The following DUSP19 variants were observed in gnomAD, a reference collection of about 807,000 sequenced individuals.
DUSP19 encodes the protein dual specificity phosphatase 19, also known as dual specificity protein phosphatase 19.
A neutral mutation model predicts 16.6 loss-of-function variants in DUSP19; 14 were observed. The ratio of observed to expected loss-of-function variants is 0.84; its 90% CI spans 0.56 to 1.32. The LOEUF (loss-of-function observed/expected upper bound fraction) is 1.32, where lower values mean the gene tolerates loss of function less well. Among genes scored for constraint, DUSP19 ranks in the 40% most tolerant of loss-of-function variants. The pLI is 0.00. For synonymous variants in DUSP19, 81 were observed against 90.5 expected (o/e 0.90, Z 0.59); for missense variants, 258 against 255.9 (o/e 1.01, Z -0.06).
Position 183,098,795 on chromosome 2 carries a change from A to G in DUSP19, c.*3137A>G, listed in dbSNP as rs1243758410. On this transcript the variant is annotated 3_prime_UTR_variant, in exon 4 of 4. Coordinates refer to ENST00000354221, the MANE Select transcript of DUSP19 (RefSeq NM_080876.4). ...TTAATAATTTTTAAATTTTTTTCTA[A>G]TTTTATGCCTTAAAATAGGTTTCTG... 2.0e-5 allele frequency: 3 copies of G among 152,148 alleles called. No homozygotes were observed. Among genetic ancestry groups the G allele is most frequent in the Non-Finnish European group, 4.4e-5 (3 of 67,994 alleles). The allele number at this position is 152,148 out of a possible 1,614,324, so 9.4% of individuals were successfully genotyped here.
At chr2:183,087,853 T>C (rs1427448122) in intron 3 of DUSP19, among the ~76,000 whole-genome samples, 4 of 152,192 alleles carry the variant, frequency 2.6e-5, no homozygotes, top group Non-Finnish European at 4.4e-5. Flanking sequence ...AACTCTGGCC[T>C]ACCTTCTCTC....
Position 183,099,330 on chromosome 2 carries a change from T to G in DUSP19, c.*3672T>G, listed in dbSNP as rs1466600601. 6.6e-6 allele frequency: 1 copy of G among 152,220 alleles called. No individual in the cohort carries two copies. Among genetic ancestry groups the G allele is most frequent in the Non-Finnish European group, 1.5e-5 (1 of 68,028 alleles). The allele number at this position is 152,220 out of a possible 1,614,324, so 9.4% of individuals were successfully genotyped here. On this transcript the variant is annotated 3_prime_UTR_variant, in exon 4 of 4. Coordinates refer to ENST00000354221, the MANE Select transcript of DUSP19 (RefSeq NM_080876.4). Reference sequence around the variant, plus strand: ...TGATTACTTATTTATTTGTTCCAGGTGACTCTAAATAGTTGATTTTTCTGC... The same window carrying G: ...TGATTACTTATTTATTTGTTCCAGGGGACTCTAAATAGTTGATTTTTCTGC...
chr2:183,085,858 T>TTG (rs1699654025), intron 2 of DUSP19, among the ~76,000 whole-genome samples: 2 of 107,450 alleles, frequency 1.9e-5, no homozygotes, highest in African/African-American at 3.7e-5. Flanking sequence ...TTTTTTTTTT[T>TTG]TTTTTTTTTT....
At chr2:183,086,819 T>C (rs1322419703) in intron 2 of DUSP19, among the ~76,000 whole-genome samples, 1 of 149,806 alleles carries the variant, frequency 6.7e-6, no homozygotes, top group East Asian at 2.3e-4. Flanking sequence ...AGAGACCCTG[T>C]CTCTGCATGA....
At chr2:183,088,848 T>G (rs1026841270) in intron 3 of DUSP19, among the ~76,000 whole-genome samples, 1 of 152,218 alleles carries the variant, frequency 6.6e-6, no homozygotes, top group African/African-American at 2.4e-5. Flanking sequence ...AAAAGGATGT[T>G]TCTGTATTGG....
At chr2:183,079,384 A>G (rs963340110) in intron 1 of DUSP19, among the ~76,000 whole-genome samples, 2 of 152,188 alleles carry the variant, frequency 1.3e-5, no homozygotes, top group Admixed American at 6.5e-5. Context: ...TTGGCACTGC[A>G]TATTTGAATT....
rs1699836762 is a variant in DUSP19, at chr2:183,098,776, A to C, written c.*3118A>C. 11 of 152,180 alleles carry C rather than the reference A, an allele frequency of 7.2e-5. No individual in the cohort carries two copies. Among genetic ancestry groups the C allele is most frequent in the Admixed American group, 7.2e-4 (11 of 15,276 alleles). 9.4% of individuals were successfully genotyped at this position (152,180 alleles called of 1,614,324 possible). On this transcript the variant is annotated 3_prime_UTR_variant, in exon 4 of 4. Coordinates refer to ENST00000354221, the MANE Select transcript of DUSP19 (RefSeq NM_080876.4). ...TATTTGAGGTTAATTGAAGTTAATAATTTTTAAATTTTTTTCTAATTTTAT... is the reference window on the plus strand; with the variant it reads ...TATTTGAGGTTAATTGAAGTTAATACTTTTTAAATTTTTTTCTAATTTTAT...
intron 2 of DUSP19, among the ~76,000 whole-genome samples, 167 bp downstream of exon 2, chr2:183,083,721 G>C (rs952223213): frequency 5.9e-5 from 9 of 152,172 alleles, no homozygotes; most frequent in African/African-American, 2.2e-4. Context: ...ATTCAAATAT[G>C]TGGATCTGTA....
rs1040383990 is a variant in DUSP19, at chr2:183,086,973, C to G, written c.274-67C>G. On this transcript the variant is annotated intron_variant, in intron 2 of 3. Coordinates refer to ENST00000354221, the MANE Select transcript of DUSP19 (RefSeq NM_080876.4). ...CTTTCTTGTTATAGATATCAACACCCCAGTCTCTTTTTAGGTAACCTAATT... is the reference window on the plus strand; with the variant it reads ...CTTTCTTGTTATAGATATCAACACCGCAGTCTCTTTTTAGGTAACCTAATT... 4.7e-6 allele frequency: 7 copies of G among 1,489,494 alleles called. No homozygotes were observed. In the African/African-American group the frequency reaches 8.5e-5, roughly 18 times the overall value. The allele number at this position is 1,489,494 out of a possible 1,614,324, so 92.3% of individuals were successfully genotyped here. A position where few individuals can be genotyped will look rare whatever the true frequency, so the allele number is the denominator to read the frequency against.
chr2:183,082,758 C>T (rs909865127), intron 1 of DUSP19, among the ~76,000 whole-genome samples: 2 of 151,840 alleles, frequency 1.3e-5, no homozygotes, highest in African/African-American at 4.8e-5. Context: ...TATTTTACCA[C>T]ATTTCTTCTT....
chr2:183,094,623 C>A (rs1158360261), intron 3 of DUSP19, among the ~76,000 whole-genome samples: 1 of 152,138 alleles, frequency 6.6e-6, no homozygotes, highest in African/African-American at 2.4e-5. Context: ...TGGAAAGTAT[C>A]ATTTGCAAGT....
intron 1 of DUSP19, among the ~76,000 whole-genome samples, chr2:183,081,952 A>G (rs528975755): frequency 1.5e-4 from 23 of 152,382 alleles, no homozygotes; most frequent in African/African-American, 5.0e-4. Context: ...AAATCTTTAA[A>G]CTGTGAAACT....
At chr2:183,090,358 A>G (rs1196192263) in intron 3 of DUSP19, among the ~76,000 whole-genome samples, 1 of 152,186 alleles carries the variant, frequency 6.6e-6, no homozygotes, top group Non-Finnish European at 1.5e-5. Flanking sequence ...CTTTATGCCT[A>G]AAGGGACAGA....
chr2:183,078,891 C>G lies in DUSP19; in HGVS notation c.-43C>G, dbSNP rs534385360. On this transcript the variant is annotated 5_prime_UTR_variant, in exon 1 of 4. Transcript: ENST00000354221. ...CTAGCAGTTCAGCCGTTTTCTATGCCTGCTGGATTTGTTTGTATTTGTTCC... is the reference window on the plus strand; with the variant it reads ...CTAGCAGTTCAGCCGTTTTCTATGCGTGCTGGATTTGTTTGTATTTGTTCC... 1 of 1,587,038 alleles carries G rather than the reference C, an allele frequency of 6.3e-7. No individual in the cohort carries two copies. The highest frequency in any genetic ancestry group is 8.6e-7 in the Non-Finnish European group (1 of 1,159,658).
At chr2:183,081,311 T>C (rs989938939) in intron 1 of DUSP19, among the ~76,000 whole-genome samples, 1 of 152,190 alleles carries the variant, frequency 6.6e-6, no homozygotes, top group Admixed American at 6.5e-5. Flanking sequence ...AGTGGCACGA[T>C]CTTGGCTCAC....
In DUSP19 at chr2:183,095,426, T is replaced by TG. The variant is rs1699785280; in HGVS notation, c.427-4dup. The TG allele has an allele frequency of 1.3e-6, 2 of 1,574,214 alleles. No individual in the cohort carries two copies. The highest frequency in any genetic ancestry group is 2.2e-5 in the East Asian group (1 of 44,470). On this transcript the variant is annotated splice_polypyrimidine_tract_variant and splice_region_variant and intron_variant, in intron 3 of 3. Coordinates refer to ENST00000354221, the MANE Select transcript of DUSP19 (RefSeq NM_080876.4). Reference sequence around the variant, plus strand: ...GAAGATTTTTGTTTGTTTTTTTTTTTGTAGGATGGAGTGGTTCTTGTTCAT... The same window carrying TG: ...GAAGATTTTTGTTTGTTTTTTTTTTTGGTAGGATGGAGTGGTTCTTGTTCAT...
In DUSP19 at chr2:183,078,794, T is replaced by A; in HGVS notation, c.-140T>A. ...GGAGCTGGACGACTCAGTCTCTTGGTCTGTGGCTGCTGCGGTTACCTGGAT... is the reference window on the plus strand; with the variant it reads ...GGAGCTGGACGACTCAGTCTCTTGGACTGTGGCTGCTGCGGTTACCTGGAT... On this transcript the variant is annotated 5_prime_UTR_variant, in exon 1 of 4. Transcript: ENST00000354221. The A allele has an allele frequency of 1.4e-6, 1 of 705,562 alleles. No homozygotes were observed. Among genetic ancestry groups the A allele is most frequent in the South Asian group, 1.8e-5 (1 of 54,062 alleles). The allele number at this position is 705,562 out of a possible 1,614,324, so 43.7% of individuals were successfully genotyped here.
chr2:183,089,204 A>G (rs1699701362), intron 3 of DUSP19, among the ~76,000 whole-genome samples: 1 of 152,138 alleles, frequency 6.6e-6, no homozygotes, highest in Non-Finnish European at 1.5e-5. Flanking sequence ...TCAAGGTGGG[A>G]CGAGAAGCAA....
chr2:183,081,772 C>T (rs746440856), intron 1 of DUSP19, among the ~76,000 whole-genome samples: 7 of 152,060 alleles, frequency 4.6e-5, no homozygotes, highest in Non-Finnish European at 8.8e-5. Flanking sequence ...AGCTCAGTAG[C>T]GAACCTGTAA....
Sources: allele counts gnomAD v4.1 joint callset (sites outside exome capture counted in the v4.1 genomes callset), GRCh38; gene constraint gnomAD v4.1.1; transcripts MANE v1.5; gene names NCBI Gene and HGNC (gene_info 2026-07-23, HGNC 2026-07-21).